The following GMCL1 variants were observed in gnomAD, a reference collection of about 807,000 sequenced individuals.
GMCL1 encodes germ cell-less 1, spermatogenesis associated.
A neutral mutation model predicts 75.5 loss-of-function variants in GMCL1; 54 were observed. The ratio of observed to expected loss-of-function variants is 0.71; its 90% CI spans 0.57 to 0.90. GMCL1 has a LOEUF of 0.90. Among genes scored for constraint, GMCL1 ranks in the 40% least tolerant of loss-of-function variants. The pLI is 0.00. For synonymous variants in GMCL1, 210 were observed against 209.6 expected, an observed-to-expected ratio of 1.00 and a Z score of -0.02; for missense variants, 537 against 622.7, an observed-to-expected ratio of 0.86 and a Z score of 1.47.
At chr2:69,848,913 G>C (rs1231839153) in intron 7 of GMCL1, among the ~76,000 whole-genome samples, 1 of 152,122 alleles carries the variant, frequency 6.6e-6, no homozygotes, top group Non-Finnish European at 1.5e-5. Context: ...TACCTACTCT[G>C]CGTATTATCT....
chr2:69,876,085 T>C (rs1201983135), intron 13 of GMCL1, among the ~76,000 whole-genome samples: 1 of 152,238 alleles, frequency 6.6e-6, no homozygotes, highest in Non-Finnish European at 1.5e-5. Flanking sequence ...ATATTTATTT[T>C]GTAACTGTCC....
intron 1 of GMCL1, among the ~76,000 whole-genome samples, chr2:69,833,991 G>A (rs1375729160): frequency 6.6e-6 from 1 of 152,188 alleles, no homozygotes; most frequent in Non-Finnish European, 1.5e-5. Context: ...ACAACTGCTT[G>A]TCTGTTCAAA....
chr2:69,848,021 C>T (rs999540044), intron 7 of GMCL1, among the ~76,000 whole-genome samples: 7 of 152,042 alleles, frequency 4.6e-5, no homozygotes, highest in African/African-American at 1.4e-4. Flanking sequence ...CTTTTAAAGG[C>T]CTGTTTGTGT....
At chr2:69,852,532 A>G (rs569840842) in intron 8 of GMCL1, among the ~76,000 whole-genome samples, 2 of 139,924 alleles carry the variant, frequency 1.4e-5, no homozygotes, top group South Asian at 4.3e-4. Context: ...ATTTTGGCAT[A>G]TGTCTGTCTG....
At position 69,843,397 on chromosome 2, in the gene GMCL1, A is replaced by T. The variant is rs985983872; in HGVS notation, c.692+136A>T. 8.3e-4 allele frequency: 466 copies of T among 559,094 alleles called. 1 individual carries two copies. Among genetic ancestry groups the T allele is most frequent in the Admixed American group, 6.4e-4 (20 of 31,300 alleles). 34.6% of individuals were successfully genotyped at this position (559,094 alleles called of 1,614,324 possible). ...ATAGGGGGATGGAATTTTATTAAAT[A>T]AAAAGCCCCTTTTAACTTTTGGACT... On this transcript the variant is annotated intron_variant, in intron 5 of 13. Transcript: ENST00000282570.
At chr2:69,849,053 A>G (rs1675235598) in intron 7 of GMCL1, among the ~76,000 whole-genome samples, 1 of 152,208 alleles carries the variant, frequency 6.6e-6, no homozygotes, top group African/African-American at 2.4e-5. Flanking sequence ...TAATATACAT[A>G]TATATTAAAC....
intron 11 of GMCL1, chr2:69,869,473 A>C: frequency 7.4e-6 from 2 of 271,266 alleles, no homozygotes; most frequent in Non-Finnish European, 6.9e-6. Context: ...TGCAGTATGG[A>C]GAGATAAGGA....
At chr2:69,863,685 TA>T (rs1675723026) in intron 10 of GMCL1, among the ~76,000 whole-genome samples, 8 of 152,202 alleles carry the variant, frequency 5.3e-5, no homozygotes. Flanking sequence ...AGTTACAGAA[TA>T]AATGCTTGGG....
rs1675636741 is a variant in GMCL1, at chr2:69,861,303, G to A, written c.1098G>A (p.Gln366=). 4 of 1,608,996 alleles carry A rather than the reference G, an allele frequency of 2.5e-6. No homozygotes were observed. Among genetic ancestry groups the A allele is most frequent in the East Asian group, 2.2e-5 (1 of 44,794 alleles). ...AATGGCTCTCTTCTGTGTATAAACA[G>A]CAGTGGTTTGCTATGCTGCGGGCAG... The part of the protein sequence containing the change: ...PSEWLSSVYK[Q]QWFAMLRAEQ... Residue 366 remains glutamine, a synonymous_variant, in exon 10 of 14, where the codon CAG becomes CAA. Transcript: ENST00000282570.
intron 11 of GMCL1, among the ~76,000 whole-genome samples, chr2:69,866,020 G>A (rs144830469): frequency 0.028 from 4,226 of 152,222 alleles, 186 homozygotes; most frequent in African/African-American, 0.096. Flanking sequence ...GGAGACTGAG[G>A]CAGGCAGATC....
In GMCL1 at chr2:69,879,580, A is replaced by G. The variant is rs1676223366; in HGVS notation, c.*576A>G. 1 of 152,188 alleles carries G rather than the reference A, an allele frequency of 6.6e-6. No homozygotes were observed. Among genetic ancestry groups the G allele is most frequent in the South Asian group, 2.1e-4 (1 of 4,832 alleles). The allele number at this position is 152,188 out of a possible 1,614,324, so 9.4% of individuals were successfully genotyped here. ...GGTCATACTTGTTTTTAATCATTAA[A>G]TATTTTCTTCCTGGTTTTGGAGACT... On this transcript the variant is annotated 3_prime_UTR_variant, in exon 14 of 14. Coordinates refer to ENST00000282570, the MANE Select transcript of GMCL1 (RefSeq NM_178439.5).
At chr2:69,855,071 G>GTATA (rs1675431972) in intron 9 of GMCL1, 111 bp downstream of exon 9, 1 of 853,526 alleles carries the variant, frequency 1.2e-6, no homozygotes, top group South Asian at 1.8e-5. Context: ...TCCCAAAAAG[G>GTATA]TATACATCTT....
At chr2:69,869,243 CTG>C (rs1302053867) in intron 11 of GMCL1, among the ~76,000 whole-genome samples, 2 of 123,330 alleles carry the variant, frequency 1.6e-5, no homozygotes, top group African/African-American at 6.4e-5. Flanking sequence ...GAGCAAACCT[CTG>C]TCTCAAAAAA....
At chr2:69,841,571 C>T (rs546881503) in intron 4 of GMCL1, among the ~76,000 whole-genome samples, 2 of 152,278 alleles carry the variant, frequency 1.3e-5, no homozygotes, top group East Asian at 3.9e-4. Flanking sequence ...AGACGTAATC[C>T]TTACTTTCAA....
chr2:69,845,411 C>T (rs1276141799), intron 6 of GMCL1, among the ~76,000 whole-genome samples: 1 of 152,130 alleles, frequency 6.6e-6, no homozygotes, highest in Non-Finnish European at 1.5e-5. Context: ...ATGAGGACTG[C>T]CCACCCTGCC....
rs146027863 is a variant in GMCL1 at position 69,878,979 on chromosome 2, A to G, written c.1523A>G (p.Tyr508Cys). ...TTATATATCTGCTGTAACTTCTTGT[A>G]TATATCACCAGAAAAAAAGAATTGA... ...FPLYICCNFL[Y>C]ISPEKKN The change falls in exon 14 of 14, where the codon TAT becomes TGT. Residue 508 changes from tyrosine (Y) to cysteine (C), a missense_variant. By Grantham distance (194) the Tyr-to-Cys change is radical. This residue lies in a region of GMCL1 where 345 missense variants were observed against 410.5 expected (regional missense o/e 0.84). Coordinates refer to ENST00000282570, the MANE Select transcript of GMCL1 (RefSeq NM_178439.5). The G allele has an allele frequency of 1.4e-5, 22 of 1,599,372 alleles. No homozygotes were observed. The highest frequency in any genetic ancestry group is 4.0e-5 in the African/African-American group (3 of 74,514).
chr2:69,845,955 ATTT>A (rs35362436), intron 6 of GMCL1, among the ~76,000 whole-genome samples: 17 of 143,834 alleles, frequency 1.2e-4, no homozygotes, highest in Admixed American at 2.1e-4. Flanking sequence ...AATTTTACTG[ATTT>A]TTTTTTTTTT....
At chr2:69,864,879 A>G (rs1410493151) in intron 10 of GMCL1, 21 bp from the exon 11 acceptor site, 6 of 1,486,522 alleles carry the variant, frequency 4.0e-6, no homozygotes, top group Non-Finnish European at 5.6e-6. Context: ...ATGAACGTTC[A>G]TATTTTATGT....
At chr2:69,871,342 C>G (rs937212367) in intron 12 of GMCL1, among the ~76,000 whole-genome samples, 3 of 152,070 alleles carry the variant, frequency 2.0e-5, no homozygotes, top group African/African-American at 4.8e-5. Context: ...AGAGGATACA[C>G]TGGTGGTTGC....
Sources: gnomAD v4.1 joint callset for allele counts (sites outside exome capture counted in the v4.1 genomes callset) on GRCh38, gnomAD v4.1.1 for gene constraint, gnomAD v4.1.1 regional missense constraint, MANE v1.5 for transcripts, NCBI Gene and HGNC (gene_info 2026-07-23, HGNC 2026-07-21) for gene names.